SLC44A5: variants seen among roughly 807,000 people sequenced by gnomAD.
The protein encoded by SLC44A5 is choline transporter-like protein 5.
Under a neutral mutation model 101.8 loss-of-function variants are expected in SLC44A5, and 57 were observed. The ratio of observed to expected loss-of-function variants is 0.56; its 90% confidence interval spans 0.45 to 0.70. The LOEUF is 0.70. Ranked by LOEUF, SLC44A5 falls within the 30% of genes least tolerant of loss-of-function variation. The probability of loss-of-function intolerance (pLI) is 0.00; values close to 1 mark genes in which losing one functional copy is unlikely to be tolerated. For missense variants in SLC44A5, 737 were observed against 853.1 expected (o/e 0.86, Z 1.70); for synonymous variants, 281 against 290.9 (o/e 0.97, Z 0.35).
intron 2 of SLC44A5, among the ~76,000 whole-genome samples, chr1:75,528,259 A>C (rs1327466829): frequency 6.6e-6 from 1 of 152,226 alleles, no homozygotes; most frequent in Non-Finnish European, 1.5e-5. Context: ...TTGAAAAAGA[A>C]ACCAAAGTGA....
At chr1:75,541,658 A>G (rs1225872463) in intron 1 of SLC44A5, 142 bp from the exon 2 acceptor site, 2 of 491,096 alleles carry the variant, frequency 4.1e-6, no homozygotes, top group Non-Finnish European at 7.2e-6. Flanking sequence ...ATTCTCTTCT[A>G]CACATAAAAT....
intron 2 of SLC44A5, among the ~76,000 whole-genome samples, chr1:75,451,456 C>T (rs753071644): frequency 1.3e-5 from 2 of 151,856 alleles, no homozygotes; most frequent in Non-Finnish European, 2.9e-5. Flanking sequence ...TCTCTACCAT[C>T]GTACTCCCTA....
rs554629137 is a variant in SLC44A5, at chr1:75,535,391, T to C, written c.13+6044A>G. On this transcript the variant is annotated intron_variant, in intron 2 of 23. Coordinates refer to ENST00000370859, the MANE Select transcript of SLC44A5 (RefSeq NM_001130058.2). ...ATCCGCAGCTGAAGTTCAGGGTCTG[T>C]GCTGCCCCTCCTCCATGCAAAAGGG... 2.6e-5 allele frequency among the ~76,000 whole-genome samples: 4 copies of C among 152,272 alleles called. No homozygotes were observed. In the South Asian group the frequency reaches 8.3e-4, roughly 32 times the overall value.
At chr1:75,210,525 A>G (rs1028639646) in intron 23 of SLC44A5, among the ~76,000 whole-genome samples, 3 of 152,150 alleles carry the variant, frequency 2.0e-5, no homozygotes, top group Admixed American at 1.3e-4. Context: ...TCCATTTGTC[A>G]TTGTGATGCA....
the SLC44A5 span, among the ~76,000 whole-genome samples, chr1:75,649,860 C>A: frequency 6.6e-6 from 1 of 152,158 alleles, no homozygotes; most frequent in East Asian, 1.9e-4. Context: ...ACCTAGTGAC[C>A]TGCTCTCAAT....
At chr1:75,577,852 C>T (rs944341594) in intron 1 of SLC44A5, among the ~76,000 whole-genome samples, 18 of 152,254 alleles carry the variant, frequency 1.2e-4, no homozygotes, top group African/African-American at 4.3e-4. Flanking sequence ...ATGTGTGACA[C>T]ATACTAAGTG....
At chr1:75,538,946 G>A (rs1268324420) in intron 2 of SLC44A5, among the ~76,000 whole-genome samples, 1 of 151,202 alleles carries the variant, frequency 6.6e-6, no homozygotes, top group African/African-American at 2.4e-5. Context: ...ATTCTGAAAG[G>A]TATCCAAGAC....
At chr1:75,322,477 T>G (rs1340437351) in intron 4 of SLC44A5, among the ~76,000 whole-genome samples, 1 of 152,190 alleles carries the variant, frequency 6.6e-6, no homozygotes, top group Non-Finnish European at 1.5e-5. Context: ...CTGGTGTGTC[T>G]TCCCCCAAAT....
chr1:75,375,600 TTTTCTATCAC>T (rs1660526954), intron 3 of SLC44A5, among the ~76,000 whole-genome samples: 3 of 86,144 alleles, frequency 3.5e-5, no homozygotes, highest in African/African-American at 2.3e-4. Context: ...GTCATATCAC[TTTTCTATCAC>T]TGTTCACAAA....
intron 4 of SLC44A5, among the ~76,000 whole-genome samples, chr1:75,331,330 T>TA (rs1557671089): frequency 6.6e-6 from 1 of 152,172 alleles, no homozygotes; most frequent in Admixed American, 6.6e-5. Context: ...ATCTGTACTA[T>TA]AGGGGAGCAT....
chr1:75,572,420 C>T (rs902649545), intron 1 of SLC44A5, among the ~76,000 whole-genome samples: 2 of 152,104 alleles, frequency 1.3e-5, no homozygotes, highest in Non-Finnish European at 2.9e-5. Flanking sequence ...AATATTCTCC[C>T]CTGAGTGGCA....
At chr1:75,605,536 C>T (rs1675274021) in intron 1 of SLC44A5, among the ~76,000 whole-genome samples, 2 of 151,990 alleles carry the variant, frequency 1.3e-5, no homozygotes, top group South Asian at 2.1e-4. Context: ...TTCATCCTTT[C>T]CTTCACTAAG....
At chr1:75,594,368 G>A (rs866162464) in intron 1 of SLC44A5, among the ~76,000 whole-genome samples, 33 of 151,920 alleles carry the variant, frequency 2.2e-4, no homozygotes, top group Admixed American at 7.9e-4. Flanking sequence ...ATTCTAAGCC[G>A]GATCCAAATG....
In SLC44A5 at chr1:75,298,688, G is replaced by A. The variant is rs537093530; in HGVS notation, c.175+1924C>T. On this transcript the variant is annotated intron_variant, in intron 5 of 23. Coordinates refer to ENST00000370859, the MANE Select transcript of SLC44A5 (RefSeq NM_001130058.2). The stretch of plus-strand genomic sequence containing the variant: ...AGTGGAAAGATTCTGGTCACAGGAT[G>A]AGATCTTTGTGAAGTTCCTGTGTGC... Among the ~76,000 whole-genome samples the A allele has an allele frequency of 2.6e-5, 4 of 152,212 alleles. No homozygotes were observed. In the East Asian group the frequency reaches 5.8e-4, roughly 22 times the overall value.
the SLC44A5 span, among the ~76,000 whole-genome samples, chr1:75,684,391 A>G: frequency 1.3e-4 from 20 of 152,176 alleles, no homozygotes; most frequent in African/African-American, 4.3e-4. Context: ...TCATTTCAGT[A>G]TGAACTCAAA....
rs568117636 is a variant in SLC44A5 at position 75,553,894 on chromosome 1, G to A, written c.-69-12378C>T. On this transcript the variant is annotated intron_variant, in intron 1 of 23. Transcript: ENST00000370859. ...GAATCCTTGTGGAGCAGGAGGAGGA[G>A]GAGGAGGAGGAGGAGGAGGAGCTAG... Among the ~76,000 whole-genome samples, 18 of 152,050 alleles carry A rather than the reference G, an allele frequency of 1.2e-4. No individual in the cohort carries two copies. The East Asian group carries it at 3.3e-3, about 28-fold the overall frequency.
At chr1:75,339,452 G>A in intron 4 of SLC44A5, 130 bp downstream of exon 4, 2 of 677,040 alleles carry the variant, frequency 3.0e-6, no homozygotes, top group South Asian at 4.7e-5. Flanking sequence ...TGACATTTAG[G>A]CAGAAATATA....
At chr1:75,558,423 A>T (rs1332710377) in intron 1 of SLC44A5, among the ~76,000 whole-genome samples, 1 of 152,122 alleles carries the variant, frequency 6.6e-6, no homozygotes, top group African/African-American at 2.4e-5. Flanking sequence ...ATCACGCTGT[A>T]CTAAAATTGA....
chr1:75,374,714 C>A (rs1228711968), intron 3 of SLC44A5, among the ~76,000 whole-genome samples: 1 of 152,130 alleles, frequency 6.6e-6, no homozygotes, highest in African/African-American at 2.4e-5. Context: ...CTTCAGCGCT[C>A]AATGCCTGGA....
Sources: gnomAD v4.1 joint callset for allele counts (sites outside exome capture counted in the v4.1 genomes callset) on GRCh38, gnomAD v4.1.1 for gene constraint, MANE v1.5 for transcripts, NCBI Gene and HGNC (gene_info 2026-07-23, HGNC 2026-07-21) for gene names.